Variants in ADGRF3 observed in about 807,000 individuals in gnomAD.
ADGRF3 encodes adhesion G protein-coupled receptor F3, also known as G protein-coupled receptor 113.
A neutral mutation model predicts 93.2 loss-of-function variants in ADGRF3; 85 were observed. The ratio of observed to expected loss-of-function variants is 0.91; its 90% CI spans 0.77 to 1.09. The LOEUF (loss-of-function observed/expected upper bound fraction) is 1.09. Among genes scored for constraint, ADGRF3 ranks in the 50% least tolerant of loss-of-function variants. The pLI is 0.00. For missense variants in ADGRF3, 1,125 were observed against 1,246.2 expected, an observed-to-expected ratio of 0.90 and a Z score of 1.46; for synonymous variants, 534 against 532.5, an observed-to-expected ratio of 1.00 and a Z score of -0.04.
chr2:26,313,898 A>G lies in ADGRF3; in HGVS notation c.934T>C (p.Ser312Pro), dbSNP rs779538345. Residue 312 changes from serine to proline, a missense_variant, in exon 7 of 14, where the codon TCC becomes CCC. Coordinates refer to ENST00000651242, the MANE Select transcript of ADGRF3 (RefSeq NM_001321971.2). ...CACTGAGAGCCTGACTCGTTGAAGG[A>G]GGAAGCTGAAGGCAAAACGAAGAAG... ...WSPGEGSKAS[S>P]FNESGSQCFV... is the part of the protein sequence containing the mutation. 1 of 1,614,002 alleles carries G rather than the reference A, an allele frequency of 6.2e-7. No individual in the cohort carries two copies. Among genetic ancestry groups the G allele is most frequent in the Non-Finnish European group, 8.5e-7 (1 of 1,179,900 alleles).
At chr2:26,343,255 G>A (rs1349279383) in intron 1 of ADGRF3, among the ~76,000 whole-genome samples, 1 of 152,024 alleles carries the variant, frequency 6.6e-6, no homozygotes. Context: ...TCTTAAATTT[G>A]TATGAATTTA....
At chr2:26,312,151 A>G in intron 9 of ADGRF3, 77 bp from the exon 10 acceptor site, 3 of 1,364,870 alleles carry the variant, frequency 2.2e-6, no homozygotes, top group Non-Finnish European at 3.0e-6. Flanking sequence ...AGAACAACAG[A>G]CCCCACACCT....
Position 26,313,910 on chromosome 2 carries a change from G to C in ADGRF3, c.929-7C>G. 1 of 1,613,822 alleles carries C rather than the reference G, an allele frequency of 6.2e-7. No homozygotes were observed. The highest frequency in any genetic ancestry group is 8.5e-7 in the Non-Finnish European group (1 of 1,179,870). ...GACTCGTTGAAGGAGGAAGCTGAAG[G>C]CAAAACGAAGAAGGGAACTGTCATT... On this transcript the variant is annotated splice_region_variant and splice_polypyrimidine_tract_variant and intron_variant, in intron 6 of 13. Coordinates refer to ENST00000651242, the MANE Select transcript of ADGRF3 (RefSeq NM_001321971.2).
rs371975841 is a variant in ADGRF3, at chr2:26,313,114, C to G, written c.1278G>C (p.Gln426His). The change falls in exon 9 of 14, where the codon CAG (glutamine) becomes CAC (histidine). Residue 426 changes from glutamine (Q) to histidine (H), a missense_variant. Gln to His is a conservative substitution (Grantham distance 24, BLOSUM62 0). Transcript: ENST00000651242. Reference sequence around the variant, plus strand: ...CCTCAGCAGGACTGCCCTGGCCTGCCTGCAGCAGCTGAGACAGACGAGACA... The same window carrying G: ...CCTCAGCAGGACTGCCCTGGCCTGCGTGCAGCAGCTGAGACAGACGAGACA... ...LALFTRTKLL[Q>H]AGQGSPAEEV... 14 of 1,613,728 alleles carry G rather than the reference C, an allele frequency of 8.7e-6. No homozygotes were observed. In the African/African-American group the frequency reaches 1.9e-4, roughly 22 times the overall value.
chr2:26,309,170 C>G (rs1673808043), intron 13 of ADGRF3, 63 bp from the exon 14 acceptor site: 1 of 1,614,022 alleles, frequency 6.2e-7, no homozygotes, highest in Admixed American at 1.7e-5. Flanking sequence ...CTGCCCTCCC[C>G]TCTGGATACC....
rs1674047245 is a variant in ADGRF3, at chr2:26,311,011, A to C, written c.2513T>G (p.Leu838Arg). 1 of 1,612,836 alleles carries C rather than the reference A, an allele frequency of 6.2e-7. No homozygotes were observed. Among genetic ancestry groups the C allele is most frequent in the African/African-American group, 1.3e-5 (1 of 74,894 alleles). ...GLAGVTLGLY[L>R]PQGQYLREGE... ...CTCCCTCAGGTATTGCCCTTGAGGT[A>C]GGTAGAGCCCCAGGGTGACACCTGC... Residue 838 changes from leucine to arginine, a missense_variant, in exon 10 of 14, where the codon CTA (leucine) becomes CGA (arginine). Leu to Arg is a moderately radical substitution (Grantham distance 102, BLOSUM62 -2). Coordinates refer to ENST00000651242, the MANE Select transcript of ADGRF3 (RefSeq NM_001321971.2).
intron 1 of ADGRF3, among the ~76,000 whole-genome samples, chr2:26,328,873 C>G (rs1675601896): frequency 6.6e-6 from 1 of 152,226 alleles, no homozygotes; most frequent in Non-Finnish European, 1.5e-5. Context: ...ACTTTTTTCT[C>G]TGTCATCTCT....
In ADGRF3 at chr2:26,310,970, C is replaced by G. The variant is rs149263674; in HGVS notation, c.2554G>C (p.Asp852His). Reference sequence around the variant, plus strand: ...GTGTATAACGCCCCTCCCTTCCCATCCAACCAGCATTCCCCCTCCCTCAGG... The same window carrying G: ...GTGTATAACGCCCCTCCCTTCCCATGCAACCAGCATTCCCCCTCCCTCAGG... Reference protein sequence around the residue: ...QYLREGECWLDGKGGALYTFV... With the variant: ...QYLREGECWLHGKGGALYTFV... Residue 852 changes from aspartate to histidine, a missense_variant, in exon 10 of 14, where the codon GAT (aspartate) becomes CAT (histidine). Coordinates refer to ENST00000651242, the MANE Select transcript of ADGRF3 (RefSeq NM_001321971.2). 2 of 1,613,722 alleles carry G rather than the reference C, an allele frequency of 1.2e-6. No individual in the cohort carries two copies. The highest frequency in any genetic ancestry group is 1.7e-6 in the Non-Finnish European group (2 of 1,179,832).
intron 1 of ADGRF3, among the ~76,000 whole-genome samples, chr2:26,337,983 A>G (rs1676149819): frequency 6.6e-6 from 1 of 152,190 alleles, no homozygotes; most frequent in Non-Finnish European, 1.5e-5. Context: ...AGATCGTGCC[A>G]CTGCCCTCCC....
Position 26,318,915 on chromosome 2 carries a change from C to A in ADGRF3, c.115-1353G>T, listed in dbSNP as rs1414670554. 1.9e-6 allele frequency: 3 copies of A among 1,551,330 alleles called. No individual in the cohort carries two copies. The East Asian group carries it at 7.3e-5, about 38-fold the overall frequency. On this transcript the variant is annotated intron_variant, in intron 1 of 13. Transcript: ENST00000651242. The stretch of plus-strand genomic sequence containing the variant: ...CTTTGTCTCTCCCAATCAGGGGTCC[C>A]CATTGTCGCCTCTGCAGACCTTCCC...
intron 1 of ADGRF3, among the ~76,000 whole-genome samples, chr2:26,330,396 C>G (rs1675697748): frequency 6.6e-6 from 1 of 152,142 alleles, no homozygotes; most frequent in Admixed American, 6.5e-5. Context: ...CCCTGGGACT[C>G]CTCTTTTTGG....
rs201579188 is a variant in ADGRF3 at position 26,315,735 on chromosome 2, C to T, written c.505G>A (p.Gly169Arg). ...AGCTGGGAGTTCAGGTTGAGGATCCCGGGGACTGCAGGGAGGCAGGTGACA... is the reference window on the plus strand; with the variant it reads ...AGCTGGGAGTTCAGGTTGAGGATCCTGGGGACTGCAGGGAGGCAGGTGACA... ...GYCQLLPPVP[G>R]ILNLNSQLQM... is the part of the protein sequence containing the mutation. The change falls in exon 5 of 14, where the codon GGG becomes AGG. Residue 169 changes from glycine (G) to arginine (R), a missense_variant. Transcript: ENST00000651242. 1.0e-4 allele frequency: 159 copies of T among 1,551,184 alleles called. No individual in the cohort carries two copies. The highest frequency in any genetic ancestry group is 5.9e-4 in the East Asian group (24 of 40,908).
chr2:26,346,215 C>T lies in ADGRF3; in HGVS notation c.20G>A (p.Ser7Asn). The T allele has an allele frequency of 6.2e-7, 1 of 1,613,666 alleles. No homozygotes were observed. The highest frequency in any genetic ancestry group is 1.6e-4 in the Middle Eastern group (1 of 6,062). MTTRKL[S>N]AHSAATPGYK... ...GCCGGGAGTCGCTGCCGAGTGGGCG[C>T]TCAGTTTTCGGGTCGTCATGGCTGG... is the stretch of plus-strand genomic sequence containing the variant. The change falls in exon 1 of 14, where the codon AGC becomes AAC. Residue 7 changes from serine to asparagine, a missense_variant. Coordinates refer to ENST00000651242, the MANE Select transcript of ADGRF3 (RefSeq NM_001321971.2).
At chr2:26,339,464 C>G (rs533983024) in intron 1 of ADGRF3, among the ~76,000 whole-genome samples, 11 of 152,266 alleles carry the variant, frequency 7.2e-5, no homozygotes, top group Admixed American at 7.2e-4. Context: ...CCACTGCACT[C>G]CAGCCTGGGT....
chr2:26,339,359 G>A (rs1026605271), intron 1 of ADGRF3, among the ~76,000 whole-genome samples: 1 of 151,834 alleles, frequency 6.6e-6, no homozygotes, highest in Non-Finnish European at 1.5e-5. Context: ...TTAGCTGGGC[G>A]TGGTGGCGCA....
At chr2:26,334,014 TG>T (rs1675907119) in intron 1 of ADGRF3, among the ~76,000 whole-genome samples, 1 of 151,112 alleles carries the variant, frequency 6.6e-6, no homozygotes, top group South Asian at 2.1e-4. Flanking sequence ...TTGGTAGAGA[TG>T]GGGTTTCACC....
In ADGRF3 at chr2:26,311,018, GC is replaced by G. The variant is rs1558377641; in HGVS notation, c.2505del (p.Leu836SerfsTer9). On this transcript the variant is annotated frameshift_variant, in exon 10 of 14. Coordinates refer to ENST00000651242, the MANE Select transcript of ADGRF3 (RefSeq NM_001321971.2). LOFTEE classifies it high-confidence loss of function. ...CPLGLAGVTL[G>X]LYLPQGQYLR... is the part of the protein sequence containing the mutation. Reference sequence around the variant, plus strand: ...AGGTATTGCCCTTGAGGTAGGTAGAGCCCCAGGGTGACACCTGCCAACCCCA... The same window carrying G: ...AGGTATTGCCCTTGAGGTAGGTAGAGCCCAGGGTGACACCTGCCAACCCCA... 2.5e-6 allele frequency: 4 copies of G among 1,612,310 alleles called. No individual in the cohort carries two copies. The Admixed American group carries it at 6.7e-5, about 27-fold the overall frequency.
At chr2:26,337,733 T>C (rs572843005) in intron 1 of ADGRF3, among the ~76,000 whole-genome samples, 1 of 152,238 alleles carries the variant, frequency 6.6e-6, no homozygotes, top group African/African-American at 2.4e-5. Context: ...CATCAAAATA[T>C]TAAATCAGGC....
chr2:26,316,673 G>C (rs1056248537), intron 3 of ADGRF3, among the ~76,000 whole-genome samples: 1 of 152,144 alleles, frequency 6.6e-6, no homozygotes, highest in Non-Finnish European at 1.5e-5. Flanking sequence ...TGGAGGTCTG[G>C]GCCCACGTTG....
Sources: gnomAD v4.1 joint callset for allele counts (sites outside exome capture counted in the v4.1 genomes callset) on GRCh38, gnomAD v4.1.1 for gene constraint, MANE v1.5 for transcripts, NCBI Gene and HGNC (gene_info 2026-07-23, HGNC 2026-07-21) for gene names.